Variants in PCDHA1 observed in about 807,000 individuals in gnomAD.
PCDHA1 encodes protocadherin alpha 1, also known as protocadherin alpha-1.
PCDHA1 carries 42 observed loss-of-function variants against 61.3 expected under a neutral mutation model. The observed-to-expected ratio is 0.69, with a 90% CI of 0.54 to 0.89. The LOEUF (loss-of-function observed/expected upper bound fraction) is 0.89. PCDHA1 is among the 40% of genes least tolerant of loss of function. The probability of loss-of-function intolerance (pLI) is 0.00; values close to 1 mark genes in which losing one functional copy is unlikely to be tolerated. For synonymous variants in PCDHA1, 610 were observed against 553.8 expected (o/e 1.10, Z -1.43); for missense variants, 1,256 against 1,235.3 (o/e 1.02, Z -0.25).
At chr5:140,808,820 C>T (rs1298867948) in intron 1 of PCDHA1, 3 of 1,612,966 alleles carry the variant, frequency 1.9e-6, no homozygotes, top group Non-Finnish European at 2.5e-6. Flanking sequence ...CGTGCCACCT[C>T]TGGGCAGCAA....
chr5:140,967,229 C>T, intron 1 of PCDHA1: 2 of 1,613,760 alleles, frequency 1.2e-6, no homozygotes, highest in East Asian at 2.2e-5. Flanking sequence ...CAACTACCAG[C>T]TTCAGGTAAG....
chr5:140,945,636 G>A (rs2093820936), intron 1 of PCDHA1, among the ~76,000 whole-genome samples: 1 of 152,092 alleles, frequency 6.6e-6, no homozygotes, highest in Admixed American at 6.6e-5. Context: ...TAAAAGACAT[G>A]TAGACCAATG....
Position 140,851,540 on chromosome 5 carries a change from T to C in PCDHA1, c.2394+62856T>C, listed in dbSNP as rs374686932. 3.9e-5 allele frequency: 35 copies of C among 908,070 alleles called. 3 individuals carry two copies. The East Asian group carries it at 1.2e-3, about 30-fold the overall frequency. 56.3% of individuals were successfully genotyped at this position (908,070 alleles called of 1,614,324 possible). A position where few individuals can be genotyped will look rare whatever the true frequency, so the allele number is the denominator to read the frequency against. On this transcript the variant is annotated intron_variant, in intron 1 of 3. Coordinates refer to ENST00000504120, the MANE Select transcript of PCDHA1 (RefSeq NM_018900.4). ...TTAAAATGCCTGACAATGTAGATAA[T>C]TCAAGAAATGTTGACTGAAATTTTG...
At chr5:140,830,117 C>A (rs2150181375) in intron 1 of PCDHA1, 1 of 1,613,510 alleles carries the variant, frequency 6.2e-7, no homozygotes, top group Non-Finnish European at 8.5e-7. Context: ...TGGCCAGGCT[C>A]CAAAGGCGTC....
At chr5:140,801,865 C>T in intron 1 of PCDHA1, 4 of 1,614,102 alleles carry the variant, frequency 2.5e-6, no homozygotes, top group Non-Finnish European at 3.4e-6. Flanking sequence ...CCAGAGCTCA[C>T]TGGCACGACT....
At chr5:140,895,437 C>A (rs1250254286) in intron 1 of PCDHA1, among the ~76,000 whole-genome samples, 3 of 152,172 alleles carry the variant, frequency 2.0e-5, no homozygotes, top group Non-Finnish European at 2.9e-5. Context: ...TCCTGAGACT[C>A]TTTTCATGTG....
chr5:140,831,244 C>G (rs1554133154), intron 1 of PCDHA1: 1 of 152,156 alleles, frequency 6.6e-6, no homozygotes, highest in African/African-American at 2.4e-5. Flanking sequence ...CATTGCGGCT[C>G]TCTTATTTCT....
intron 1 of PCDHA1, among the ~76,000 whole-genome samples, chr5:140,886,052 CT>C (rs1247635205): frequency 6.6e-6 from 1 of 152,122 alleles, no homozygotes; most frequent in Non-Finnish European, 1.5e-5. Flanking sequence ...ATAGTAACAT[CT>C]TACAAAAGCG....
chr5:140,836,400 G>T, intron 1 of PCDHA1: 1 of 1,613,760 alleles, frequency 6.2e-7, no homozygotes, highest in Non-Finnish European at 8.5e-7. Context: ...GGTGGAAAGC[G>T]GCCAGGCACC....
intron 3 of PCDHA1, among the ~76,000 whole-genome samples, chr5:140,990,910 A>G (rs1460988111): frequency 1.3e-5 from 2 of 152,198 alleles, no homozygotes; most frequent in African/African-American, 2.4e-5. Context: ...GTCAAGTTTT[A>G]TAAGTCTTTA....
At chr5:140,969,821 T>C (rs1358078633) in intron 1 of PCDHA1, among the ~76,000 whole-genome samples, 3 of 152,250 alleles carry the variant, frequency 2.0e-5, no homozygotes, top group Non-Finnish European at 4.4e-5. Flanking sequence ...TACTCTGGAC[T>C]GTCTACAGTG....
intron 1 of PCDHA1, among the ~76,000 whole-genome samples, chr5:140,818,849 T>C (rs1027189505): frequency 6.6e-6 from 1 of 152,196 alleles, no homozygotes; most frequent in Non-Finnish European, 1.5e-5. Context: ...TAGAATCAAC[T>C]ATAGGTAGAG....
At chr5:140,970,009 A>G (rs2096376687) in intron 1 of PCDHA1, among the ~76,000 whole-genome samples, 2 of 152,174 alleles carry the variant, frequency 1.3e-5, no homozygotes, top group African/African-American at 4.8e-5. Flanking sequence ...GGAGTGGATG[A>G]TGGTGAGGCA....
chr5:140,826,711 G>T (rs1554130645), intron 1 of PCDHA1, among the ~76,000 whole-genome samples: 1 of 152,172 alleles, frequency 6.6e-6, no homozygotes, highest in Non-Finnish European at 1.5e-5. Context: ...GTGGTATTGA[G>T]AAAGAGGAAG....
intron 1 of PCDHA1, chr5:140,969,383 C>G: frequency 6.3e-7 from 1 of 1,597,986 alleles, no homozygotes; most frequent in Non-Finnish European, 8.5e-7. Context: ...TGTTACACAT[C>G]CCCCAATATC....
chr5:140,842,208 A>C, intron 1 of PCDHA1: 1 of 1,613,638 alleles, frequency 6.2e-7, no homozygotes, highest in Non-Finnish European at 8.5e-7. Flanking sequence ...TTTAGCATAG[A>C]TCGAAATACG....
intron 1 of PCDHA1, chr5:140,859,719 T>C (rs1562546995): frequency 6.5e-6 from 1 of 154,108 alleles, no homozygotes; most frequent in Non-Finnish European, 1.4e-5. Flanking sequence ...CAAAAAAAAA[T>C]TGTGGCAAGA....
intron 1 of PCDHA1, chr5:140,843,163 T>A (rs2150354219): frequency 1.9e-6 from 3 of 1,596,072 alleles, no homozygotes; most frequent in Non-Finnish European, 2.6e-6. Context: ...TGCAGCCAGC[T>A]GCAAGCAGCC....
intron 1 of PCDHA1, chr5:140,834,538 T>C: frequency 1.9e-6 from 3 of 1,614,074 alleles, no homozygotes; most frequent in Non-Finnish European, 2.5e-6. Flanking sequence ...GCGCAGGACC[T>C]GGGGCTGGAG....
Sources: gnomAD v4.1 joint callset for allele counts (sites outside exome capture counted in the v4.1 genomes callset) on GRCh38, gnomAD v4.1.1 for gene constraint, MANE v1.5 for transcripts, NCBI Gene and HGNC (gene_info 2026-07-23, HGNC 2026-07-21) for gene names.